The following OSBPL1A variants were observed in gnomAD, a reference collection of about 807,000 sequenced individuals.
OSBPL1A encodes the protein oxysterol-binding protein-related protein 1.
A neutral mutation model predicts 137.1 loss-of-function variants in OSBPL1A; 80 were observed. The observed-to-expected ratio is 0.58, with a 90% confidence interval of 0.49 to 0.70. OSBPL1A has a LOEUF of 0.70. OSBPL1A is among the 30% of genes least tolerant of loss of function. OSBPL1A has a pLI of 0.00. For synonymous variants in OSBPL1A, 365 were observed against 389.7 expected (o/e 0.94, Z 0.75); for missense variants, 970 against 1,129.4 (o/e 0.86, Z 2.02).
At chr18:24,241,075 G>A (rs2088674764) in intron 15 of OSBPL1A, among the ~76,000 whole-genome samples, 1 of 152,208 alleles carries the variant, frequency 6.6e-6, no homozygotes, top group African/African-American at 2.4e-5. Flanking sequence ...CTAGCCATAT[G>A]CAGAAAACTG....
At chr18:24,281,854 G>A (rs559026594) in intron 14 of OSBPL1A, among the ~76,000 whole-genome samples, 2 of 152,306 alleles carry the variant, frequency 1.3e-5, no homozygotes, top group South Asian at 2.1e-4. Context: ...GTCCTGTTAG[G>A]AACCTGGCCA....
chr18:24,362,001 A>C (rs976059393), intron 4 of OSBPL1A, among the ~76,000 whole-genome samples: 1 of 136,674 alleles, frequency 7.3e-6, no homozygotes, highest in Admixed American at 8.3e-5. Flanking sequence ...CATCTCAAAA[A>C]AAAAAAAAAA....
intron 18 of OSBPL1A, among the ~76,000 whole-genome samples, chr18:24,187,748 C>G (rs1255216415): frequency 1.3e-5 from 2 of 152,204 alleles, no homozygotes; most frequent in Non-Finnish European, 2.9e-5. Context: ...GACCCAGGGG[C>G]AGCTGAGCTG....
At position 24,167,369 on chromosome 18, in the gene OSBPL1A, A is replaced by C; in HGVS notation, c.2495T>G (p.Leu832Arg). ...AGGCCGTGGGGCTATTCGCCATAGA[A>C]GAACGCTTCCAGGGATAATGAATAC... ...ESVFIIPGSV[L>R]LWRIAPRPPN... The change falls in exon 25 of 28, where the codon CTT (leucine) becomes CGT (arginine). Residue 832 changes from leucine (L) to arginine (R), a missense_variant. Physicochemically the swap from Leu to Arg is moderately radical, Grantham distance 102. This residue lies in a region of OSBPL1A where 323 missense variants were observed against 456.8 expected (regional missense o/e 0.71). Transcript: ENST00000319481. 6.2e-7 allele frequency: 1 copy of C among 1,614,254 alleles called. No individual in the cohort carries two copies. Among genetic ancestry groups the C allele is most frequent in the Non-Finnish European group, 8.5e-7 (1 of 1,180,048 alleles).
chr18:24,270,822 C>T (rs74428270), intron 15 of OSBPL1A, among the ~76,000 whole-genome samples: 1,863 of 152,170 alleles, frequency 0.012, 48 homozygotes, highest in African/African-American at 0.042. Flanking sequence ...AAGATTCCTG[C>T]TAAGCAATGC....
intron 14 of OSBPL1A, among the ~76,000 whole-genome samples, chr18:24,282,705 T>C (rs1300139949): frequency 7.2e-5 from 11 of 152,244 alleles, no homozygotes; most frequent in Admixed American, 7.2e-4. Context: ...GACGTTAAGA[T>C]CCTTTAAATC....
intron 2 of OSBPL1A, among the ~76,000 whole-genome samples, chr18:24,376,187 C>A (rs546509421): frequency 1.2e-4 from 18 of 152,298 alleles, no homozygotes; most frequent in Admixed American, 1.1e-3. Context: ...CCACATCCTG[C>A]TGACTGGTAG....
rs548096916 is a variant in OSBPL1A, at chr18:24,216,195, C to T, written c.1601+8847G>A. Among the ~76,000 whole-genome samples the T allele has an allele frequency of 1.6e-4, 24 of 152,276 alleles. 1 individual carries two copies. The South Asian group carries it at 3.9e-3, about 25-fold the overall frequency. ...ACCAGCTTTGTAGAGACCAGACACG[C>T]CTTTGTATTCTCAATAAAATGAAAA... On this transcript the variant is annotated intron_variant, in intron 17 of 27. Transcript: ENST00000319481.
At chr18:24,358,095 C>T (rs766077273) in intron 4 of OSBPL1A, 61 of 251,924 alleles carry the variant, frequency 2.4e-4, no homozygotes, top group African/African-American at 3.8e-4. Flanking sequence ...TGGGGATGTA[C>T]GTGGAAGAAC....
chr18:24,319,946 A>G (rs2090814145), intron 7 of OSBPL1A, among the ~76,000 whole-genome samples: 1 of 147,804 alleles, frequency 6.8e-6, no homozygotes, highest in Admixed American at 6.9e-5. Context: ...GAAGCTTAAG[A>G]CTCGCCGGGG....
chr18:24,362,579 A>G (rs1421117), intron 4 of OSBPL1A, among the ~76,000 whole-genome samples: 33,445 of 152,210 alleles, frequency 0.22, 4,377 homozygotes, highest in East Asian at 0.59. Flanking sequence ...TCTTTAACTC[A>G]TGATAAATTC....
intron 5 of OSBPL1A, among the ~76,000 whole-genome samples, chr18:24,335,707 G>A (rs1599681971): frequency 6.6e-6 from 1 of 152,204 alleles, no homozygotes; most frequent in Non-Finnish European, 1.5e-5. Flanking sequence ...GCAGGTTGGG[G>A]AGCCAGGTGA....
chr18:24,307,881 G>A (rs1051466663), intron 13 of OSBPL1A, among the ~76,000 whole-genome samples: 12 of 144,866 alleles, frequency 8.3e-5, no homozygotes, highest in Admixed American at 2.1e-4. Context: ...CCTCCGCCTC[G>A]CAGGTTCAAG....
At chr18:24,392,777 A>G (rs1460854836) in intron 1 of OSBPL1A, among the ~76,000 whole-genome samples, 1 of 152,092 alleles carries the variant, frequency 6.6e-6, no homozygotes, top group African/African-American at 2.4e-5. Flanking sequence ...TGCAGCCTCA[A>G]ACTCCTGGAC....
At chr18:24,347,766 C>T (rs2091369343) in intron 4 of OSBPL1A, 1 of 133,126 alleles carries the variant, frequency 7.5e-6, no homozygotes, top group African/African-American at 2.9e-5. Flanking sequence ...CACTTGAACT[C>T]GGGTGGTGGA....
chr18:24,163,267 C>A lies in OSBPL1A; in HGVS notation c.2765G>T (p.Gly922Val). The change falls in exon 28 of 28, where the codon GGT becomes GTT. Residue 922 changes from glycine (G) to valine (V), a missense_variant. By Grantham distance (109) the Gly-to-Val change is moderately radical. Around this residue, in one of 2 missense-constraint regions of OSBPL1A, gnomAD observed 323 missense variants for 456.8 expected, o/e 0.71. Coordinates refer to ENST00000319481, the MANE Select transcript of OSBPL1A (RefSeq NM_080597.4). The part of the protein sequence containing the change: ...EDWKTRWFHQ[G>V]PNPYNGAQDW... ...CTGTGCTCCATTGTAGGGATTAGGA[C>A]CTTGATGGAACCACCTGTTAAAAGA... The A allele has an allele frequency of 2.5e-6, 4 of 1,608,788 alleles. No homozygotes were observed. The highest frequency in any genetic ancestry group is 3.4e-6 in the Non-Finnish European group (4 of 1,177,998).
At chr18:24,242,132 G>C (rs1286686793) in intron 15 of OSBPL1A, among the ~76,000 whole-genome samples, 1 of 151,604 alleles carries the variant, frequency 6.6e-6, no homozygotes, top group East Asian at 2.0e-4. Context: ...GTTGGGGGGT[G>C]GGGGGCAAGG....
At chr18:24,384,349 A>C (rs1188792198) in intron 1 of OSBPL1A, among the ~76,000 whole-genome samples, 1 of 152,106 alleles carries the variant, frequency 6.6e-6, no homozygotes, top group Non-Finnish European at 1.5e-5. Context: ...CAAGGTGGGC[A>C]GATCAGTTGA....
At chr18:24,251,411 G>GA (rs2089093021) in intron 15 of OSBPL1A, among the ~76,000 whole-genome samples, 1 of 152,196 alleles carries the variant, frequency 6.6e-6, no homozygotes, top group Admixed American at 6.5e-5. Context: ...CAAAGAGAGA[G>GA]AGAGACTCTA....
Sources: gnomAD v4.1 joint callset for allele counts (sites outside exome capture counted in the v4.1 genomes callset) on GRCh38, gnomAD v4.1.1 for gene constraint, gnomAD v4.1.1 regional missense constraint, MANE v1.5 for transcripts, NCBI Gene and HGNC (gene_info 2026-07-23, HGNC 2026-07-21) for gene names.